MAN2A1: variants seen among roughly 807,000 people sequenced by gnomAD.
MAN2A1 encodes mannosidase alpha class 2A member 1, also known as alpha-mannosidase 2.
MAN2A1 carries 76 observed loss-of-function variants against 142.6 expected under a neutral mutation model. The observed-to-expected ratio is 0.53, with a 90% CI of 0.44 to 0.65. MAN2A1 has a LOEUF of 0.65. Ranked by LOEUF, MAN2A1 falls within the 30% of genes least tolerant of loss-of-function variation. MAN2A1 has a pLI of 0.00. For synonymous variants in MAN2A1, 559 were observed against 473.2 expected, an observed-to-expected ratio of 1.18 and a Z score of -2.35; for missense variants, 1,311 against 1,365.1, an observed-to-expected ratio of 0.96 and a Z score of 0.62.
At chr5:109,838,774 T>C (rs1161539775) in intron 16 of MAN2A1, among the ~76,000 whole-genome samples, 1 of 152,220 alleles carries the variant, frequency 6.6e-6, no homozygotes, top group African/African-American at 2.4e-5. Flanking sequence ...TAAATTGATA[T>C]CTTGCTGAAT....
intron 4 of MAN2A1, among the ~76,000 whole-genome samples, chr5:109,736,644 A>G (rs1039176811): frequency 6.6e-6 from 1 of 152,078 alleles, no homozygotes; most frequent in African/African-American, 2.4e-5. Flanking sequence ...AATTTATCCC[A>G]TGTGTAGTTA....
Position 109,767,596 on chromosome 5 carries a change from T to C in MAN2A1, c.897T>C (p.Tyr299=), listed in dbSNP as rs368325075. 1.7e-4 allele frequency: 270 copies of C among 1,613,740 alleles called. No individual in the cohort carries two copies. Among genetic ancestry groups the C allele is most frequent in the Non-Finnish European group, 2.2e-4 (261 of 1,179,784 alleles). ...TTGGACACTCACCAACAATGGCTTA[T>C]CTTCTAAACCGTGCTGGACTTTCTC... ...DPFGHSPTMA[Y]LLNRAGLSHM... is the part of the protein sequence containing the mutation. Residue 299 remains tyrosine (Y), a synonymous_variant, in exon 6 of 22, where the codon TAT becomes TAC. Transcript: ENST00000261483.
intron 1 of MAN2A1, among the ~76,000 whole-genome samples, chr5:109,697,418 T>C (rs1351344266): frequency 6.6e-6 from 1 of 152,154 alleles, no homozygotes; most frequent in African/African-American, 2.4e-5. Flanking sequence ...GGTGGGAGGT[T>C]AGGGAAAGAA....
chr5:109,834,787 TA>T (rs1207608559), intron 16 of MAN2A1, among the ~76,000 whole-genome samples: 1 of 152,160 alleles, frequency 6.6e-6, no homozygotes, highest in Non-Finnish European at 1.5e-5. Context: ...AAGCAGATGT[TA>T]ACATTTTCAC....
At chr5:109,775,371 A>G (rs1369804407) in intron 8 of MAN2A1, among the ~76,000 whole-genome samples, 2 of 152,172 alleles carry the variant, frequency 1.3e-5, no homozygotes, top group African/African-American at 4.8e-5. Flanking sequence ...ATGCAGATGA[A>G]CATGTCATGA....
Position 109,833,677 on chromosome 5 carries a change from A to G in MAN2A1, c.2567-8651A>G, listed in dbSNP as rs1257958839. ...AGACGGTGGAGAGAGAGGGAGAGGGAGAGGGAGACTGTGGGGAGGGGGAGG... is the reference window on the plus strand; with the variant it reads ...AGACGGTGGAGAGAGAGGGAGAGGGGGAGGGAGACTGTGGGGAGGGGGAGG... On this transcript the variant is annotated intron_variant, in intron 16 of 21. Coordinates refer to ENST00000261483, the MANE Select transcript of MAN2A1 (RefSeq NM_002372.4). 4.2e-5 allele frequency among the ~76,000 whole-genome samples: 4 copies of G among 94,604 alleles called. No homozygotes were observed. In the Admixed American group the frequency reaches 5.5e-4, roughly 13 times the overall value. The allele number at this position is 94,604 out of a possible 152,430, so 62.1% of individuals were successfully genotyped here.
At chr5:109,712,621 A>C (rs1751333013) in intron 1 of MAN2A1, among the ~76,000 whole-genome samples, 1 of 152,046 alleles carries the variant, frequency 6.6e-6, no homozygotes, top group Non-Finnish European at 1.5e-5. Flanking sequence ...TTAAAACCTT[A>C]ATGTGGGTTT....
chr5:109,831,250 T>C (rs1461238561), intron 16 of MAN2A1, among the ~76,000 whole-genome samples: 2 of 152,190 alleles, frequency 1.3e-5, no homozygotes, highest in Non-Finnish European at 2.9e-5. Flanking sequence ...ACCTTACCCA[T>C]AGTGAGTGTT....
chr5:109,825,204 G>A (rs79834922), intron 16 of MAN2A1, among the ~76,000 whole-genome samples: 2,208 of 152,188 alleles, frequency 0.015, 59 homozygotes, highest in African/African-American at 0.051. Context: ...ACCCCTGAGA[G>A]CTCTAAGTTA....
intron 1 of MAN2A1, among the ~76,000 whole-genome samples, chr5:109,711,200 G>A (rs1337711413): frequency 6.6e-6 from 1 of 152,162 alleles, no homozygotes; most frequent in Non-Finnish European, 1.5e-5. Context: ...ATGAAGATGT[G>A]TAGCTGTACT....
chr5:109,767,397 C>A, intron 5 of MAN2A1, 138 bp from the exon 6 acceptor site: 3 of 592,466 alleles, frequency 5.1e-6, no homozygotes, highest in South Asian at 3.2e-5. Context: ...GAATACTTGG[C>A]AGAGGATAAT....
At chr5:109,750,583 G>T (rs1374337273) in intron 4 of MAN2A1, among the ~76,000 whole-genome samples, 1 of 152,012 alleles carries the variant, frequency 6.6e-6, no homozygotes, top group Non-Finnish European at 1.5e-5. Context: ...GGAACTAAAA[G>T]CTATGTGCTT....
At position 109,781,670 on chromosome 5, in the gene MAN2A1, C is replaced by T. The variant is rs1022275178; in HGVS notation, c.1577+72C>T. 1.7e-4 allele frequency: 166 copies of T among 994,010 alleles called. 1 individual carries two copies. In the East Asian group the frequency reaches 3.4e-3, roughly 21 times the overall value. The allele number at this position is 994,010 out of a possible 1,614,324, so 61.6% of individuals were successfully genotyped here. On this transcript the variant is annotated intron_variant, in intron 9 of 21. Transcript: ENST00000261483. Reference sequence around the variant, plus strand: ...ATCATAATCTTTTTGTAGAGTTTTACGTAATATACATCATTCATGTAGTAC... The same window carrying T: ...ATCATAATCTTTTTGTAGAGTTTTATGTAATATACATCATTCATGTAGTAC...
At chr5:109,718,650 A>G (rs575377321) in intron 3 of MAN2A1, among the ~76,000 whole-genome samples, 48 of 152,262 alleles carry the variant, frequency 3.2e-4, no homozygotes, top group East Asian at 1.9e-4. Context: ...ACCTTTCTCA[A>G]AGCCCCTCCA....
At chr5:109,858,355 A>G (rs1254817164) in intron 20 of MAN2A1, among the ~76,000 whole-genome samples, 2 of 152,214 alleles carry the variant, frequency 1.3e-5, no homozygotes, top group Admixed American at 6.5e-5. Context: ...TAATAGAAGG[A>G]TAATCATTGA....
Position 109,856,774 on chromosome 5 carries a change from C to CGTGTGTGT in MAN2A1, c.3171+1447_3171+1448insTGTGTGTG, listed in dbSNP as rs769225082. 9.9e-5 allele frequency among the ~76,000 whole-genome samples: 15 copies of CGTGTGTGT among 152,282 alleles called. 1 individual carries two copies. The highest frequency in any genetic ancestry group is 2.6e-4 in the Admixed American group (4 of 15,290). On this transcript the variant is annotated intron_variant, in intron 20 of 21. Coordinates refer to ENST00000261483, the MANE Select transcript of MAN2A1 (RefSeq NM_002372.4). ...AATGACTACAAGCAAATGCTCGAGG[C>CGTGTGTGT]GTGTGTGCGTGTGTGTGTATTGAAA...
chr5:109,807,631 T>C (rs1392173519), intron 12 of MAN2A1, among the ~76,000 whole-genome samples: 3 of 152,174 alleles, frequency 2.0e-5, no homozygotes. Flanking sequence ...ATCGTCCCTC[T>C]AATAAGGACC....
intron 12 of MAN2A1, among the ~76,000 whole-genome samples, chr5:109,813,241 G>C (rs1111213): frequency 0.43 from 65,071 of 151,914 alleles, 14,757 homozygotes; most frequent in African/African-American, 0.58. Flanking sequence ...GAGGAGAGAG[G>C]CTCTCTGGGG....
At chr5:109,758,757 GTTAATATTTGT>G (rs1185627079) in intron 5 of MAN2A1, among the ~76,000 whole-genome samples, 10 of 149,900 alleles carry the variant, frequency 6.7e-5, no homozygotes, top group Non-Finnish European at 1.5e-4. Flanking sequence ...TTAATTTTTA[GTTAATATTTGT>G]ATATGATGTG....
Sources: gnomAD v4.1 joint callset for allele counts (sites outside exome capture counted in the v4.1 genomes callset) on GRCh38, gnomAD v4.1.1 for gene constraint, MANE v1.5 for transcripts, NCBI Gene and HGNC (gene_info 2026-07-23, HGNC 2026-07-21) for gene names.